KCNIP4: variants seen among roughly 807,000 people sequenced by gnomAD.
The protein encoded by KCNIP4 is Kv channel-interacting protein 4.
In KCNIP4, 12 loss-of-function variants were observed where a neutral mutation model predicts 34.0. The observed-to-expected ratio is 0.35, with a 90% CI of 0.23 to 0.57. The LOEUF is 0.57. Ranked by LOEUF, KCNIP4 falls within the 20% of genes least tolerant of loss-of-function variation. The pLI is 0.83. For synonymous variants in KCNIP4, 124 were observed against 102.2 expected, an observed-to-expected ratio of 1.21 and a Z score of -1.29; for missense variants, 238 against 311.7, an observed-to-expected ratio of 0.76 and a Z score of 1.78.
In KCNIP4 at chr4:21,805,753, C is replaced by T. The variant is rs144010345; in HGVS notation, c.61+142818G>A. ...GCAAAATGGGAGTGGAAAATCTCAC[C>T]CTTCCAGCTACACCCTTCCTGAGCC... On this transcript the variant is annotated intron_variant, in intron 1 of 8. Coordinates refer to ENST00000382152, the MANE Select transcript of KCNIP4 (RefSeq NM_025221.6). 4.9e-4 allele frequency among the ~76,000 whole-genome samples: 75 copies of T among 152,178 alleles called. 1 individual carries two copies. The East Asian group carries it at 0.013, about 27-fold the overall frequency.
chr4:21,661,434 C>T (rs554453565), intron 1 of KCNIP4, among the ~76,000 whole-genome samples: 2 of 152,248 alleles, frequency 1.3e-5, no homozygotes, highest in Non-Finnish European at 2.9e-5. Context: ...TGCCATGGGT[C>T]TGGAGCCCAA....
intron 1 of KCNIP4, among the ~76,000 whole-genome samples, chr4:21,672,315 T>C (rs148967457): frequency 1.3e-5 from 2 of 152,246 alleles, no homozygotes; most frequent in Non-Finnish European, 2.9e-5. Flanking sequence ...AAGATACTGG[T>C]TCTGTAACAC....
chr4:21,555,568 A>G (rs1174362370), intron 1 of KCNIP4, among the ~76,000 whole-genome samples: 1 of 152,130 alleles, frequency 6.6e-6, no homozygotes, highest in Non-Finnish European at 1.5e-5. Flanking sequence ...TTAAAGCATG[A>G]TCTTCCTGGC....
intron 1 of KCNIP4, among the ~76,000 whole-genome samples, chr4:21,428,601 C>T (rs901429976): frequency 5.9e-5 from 9 of 152,228 alleles, no homozygotes; most frequent in African/African-American, 1.9e-4. Context: ...ATTTACAACG[C>T]GATGCCCATA....
At chr4:21,445,305 T>C (rs1158884651) in intron 1 of KCNIP4, among the ~76,000 whole-genome samples, 1 of 152,136 alleles carries the variant, frequency 6.6e-6, no homozygotes, top group Non-Finnish European at 1.5e-5. Context: ...AAAAAGAGCC[T>C]GCATTGCCAA....
At chr4:21,589,771 AGAG>A (rs1311650298) in intron 1 of KCNIP4, among the ~76,000 whole-genome samples, 1 of 151,990 alleles carries the variant, frequency 6.6e-6, no homozygotes, top group African/African-American at 2.4e-5. Flanking sequence ...TGTAAATTAC[AGAG>A]GATAGGGACC....
intron 1 of KCNIP4, among the ~76,000 whole-genome samples, chr4:21,895,802 C>A (rs549177787): frequency 1.4e-4 from 21 of 152,230 alleles, no homozygotes; most frequent in African/African-American, 4.8e-4. Flanking sequence ...GGGAAAAGAA[C>A]CTTCCCCTGT....
At chr4:21,345,582 TA>T (rs903162987) in intron 1 of KCNIP4, among the ~76,000 whole-genome samples, 7 of 151,358 alleles carry the variant, frequency 4.6e-5, no homozygotes, top group Non-Finnish European at 7.4e-5. Context: ...CACTTTTTAA[TA>T]AAAAAAAATT....
intron 1 of KCNIP4, among the ~76,000 whole-genome samples, chr4:21,284,983 T>G (rs1342158789): frequency 6.6e-6 from 1 of 152,120 alleles, no homozygotes; most frequent in Non-Finnish European, 1.5e-5. Context: ...CTTCAATAGT[T>G]CTGATGCCTA....
chr4:21,578,624 A>T lies in KCNIP4; in HGVS notation c.61+369947T>A, dbSNP rs187454859. ...ACCAAGACTGCATTAGAATAAAGCA[A>T]ATCTGCTCATCCGTGCCATCTCAAC... On this transcript the variant is annotated intron_variant, in intron 1 of 8. Coordinates refer to ENST00000382152, the MANE Select transcript of KCNIP4 (RefSeq NM_025221.6). Among the ~76,000 whole-genome samples the T allele has an allele frequency of 1.7e-3, 259 of 152,252 alleles. 1 individual carries two copies. Among genetic ancestry groups the T allele is most frequent in the Non-Finnish European group, 2.9e-3 (194 of 68,010 alleles).
intron 1 of KCNIP4, among the ~76,000 whole-genome samples, chr4:21,509,189 T>C (rs1577487827): frequency 6.6e-6 from 1 of 152,122 alleles, no homozygotes; most frequent in African/African-American, 2.4e-5. Flanking sequence ...TAGAAATAGA[T>C]AGTGATGCTA....
At chr4:21,715,410 G>A (rs940088876) in intron 1 of KCNIP4, among the ~76,000 whole-genome samples, 1 of 152,052 alleles carries the variant, frequency 6.6e-6, no homozygotes, top group Non-Finnish European at 1.5e-5. Flanking sequence ...GATTACAGGT[G>A]TGAGCCACCG....
chr4:20,893,322 G>T (rs1426560297), intron 1 of KCNIP4, among the ~76,000 whole-genome samples: 2 of 152,168 alleles, frequency 1.3e-5, no homozygotes, highest in Non-Finnish European at 2.9e-5. Flanking sequence ...ATGATGGAAA[G>T]ATTTGGAACT....
intron 3 of KCNIP4, among the ~76,000 whole-genome samples, chr4:20,839,186 G>A (rs1391535008): frequency 6.6e-6 from 1 of 151,994 alleles, no homozygotes; most frequent in Non-Finnish European, 1.5e-5. Context: ...GTGAATATAT[G>A]TATAATATTA....
intron 1 of KCNIP4, among the ~76,000 whole-genome samples, chr4:21,935,982 G>T (rs565576997): frequency 5.6e-5 from 7 of 125,358 alleles, no homozygotes; most frequent in Non-Finnish European, 1.0e-4. Context: ...ATATATATGC[G>T]CACATGTATA....
intron 1 of KCNIP4, among the ~76,000 whole-genome samples, chr4:21,786,572 C>CTTT (rs10688809): frequency 0.11 from 15,415 of 142,966 alleles, 2,628 homozygotes; most frequent in African/African-American, 0.35. Context: ...GAGAGTCACT[C>CTTT]TTTTTTTTTT....
intron 1 of KCNIP4, among the ~76,000 whole-genome samples, chr4:20,917,598 G>T (rs1371499901): frequency 6.6e-6 from 1 of 152,004 alleles, no homozygotes; most frequent in Non-Finnish European, 1.5e-5. Context: ...TAAGATTTTT[G>T]AGAAAAAATT....
chr4:20,818,912 T>A (rs1189382527), intron 3 of KCNIP4, among the ~76,000 whole-genome samples: 1 of 149,440 alleles, frequency 6.7e-6, no homozygotes, highest in South Asian at 2.1e-4. Context: ...ATTCTATATA[T>A]ATTATCTCTT....
intron 1 of KCNIP4, among the ~76,000 whole-genome samples, chr4:21,352,469 A>T (rs1718106333): frequency 6.6e-6 from 1 of 152,212 alleles, no homozygotes; most frequent in Non-Finnish European, 1.5e-5. Flanking sequence ...AGACCAGGAG[A>T]TTCTCTCCTG....
Sources: gnomAD v4.1 joint callset for allele counts (sites outside exome capture counted in the v4.1 genomes callset) on GRCh38, gnomAD v4.1.1 for gene constraint, MANE v1.5 for transcripts, NCBI Gene and HGNC (gene_info 2026-07-23, HGNC 2026-07-21) for gene names.